The following TMEM68 variants were observed in gnomAD, a reference collection of about 807,000 sequenced individuals.
TMEM68 encodes transmembrane protein 68, also known as DGAT1/2-independent enzyme synthesizing storage lipids.
Under a neutral mutation model 36.9 loss-of-function variants are expected in TMEM68, and 25 were observed. That is an observed-to-expected ratio of 0.68 (90% confidence interval 0.49 to 0.95). TMEM68 has a LOEUF of 0.95. TMEM68 is among the 40% of genes least tolerant of loss of function. The pLI is 0.00. For missense variants in TMEM68, 333 were observed against 392.0 expected (o/e 0.85, Z 1.27); for synonymous variants, 131 against 124.4 (o/e 1.05, Z -0.35).
chr8:55,754,310 A>T (rs902279666), intron 4 of TMEM68, among the ~76,000 whole-genome samples: 2 of 151,066 alleles, frequency 1.3e-5, no homozygotes, highest in Non-Finnish European at 2.9e-5. Flanking sequence ...CTGCAATCCC[A>T]ACTACTTGGG....
At chr8:55,764,363 C>A (rs563881679) in intron 1 of TMEM68, among the ~76,000 whole-genome samples, 4 of 152,244 alleles carry the variant, frequency 2.6e-5, no homozygotes, top group Admixed American at 1.3e-4. Flanking sequence ...ATTATATTAG[C>A]CCTATGATAA....
At chr8:55,742,182 G>A (rs1810122967) in intron 7 of TMEM68, among the ~76,000 whole-genome samples, 1 of 152,136 alleles carries the variant, frequency 6.6e-6, no homozygotes, top group African/African-American at 2.4e-5. Context: ...ACTCATATGA[G>A]GTATCTAAAG....
intron 4 of TMEM68, among the ~76,000 whole-genome samples, chr8:55,751,834 A>G (rs1202336087): frequency 6.6e-6 from 1 of 152,220 alleles, no homozygotes; most frequent in Non-Finnish European, 1.5e-5. Flanking sequence ...ATCAAATCCC[A>G]TACTGGAACT....
chr8:55,740,655 G>C (rs941070891), intron 7 of TMEM68, among the ~76,000 whole-genome samples: 4 of 152,116 alleles, frequency 2.6e-5, no homozygotes, highest in Admixed American at 6.5e-5. Flanking sequence ...GAAAAATTTC[G>C]AGTAGGCAAA....
chr8:55,762,471 G>C (rs1810824733), intron 3 of TMEM68, 164 bp downstream of exon 3: 1 of 1,339,640 alleles, frequency 7.5e-7, no homozygotes, highest in Non-Finnish European at 9.9e-7. Flanking sequence ...TTTTAAGAAA[G>C]ACACATACAT....
chr8:55,773,378 T>G lies in TMEM68; in HGVS notation c.-224A>C. 2 of 429,002 alleles carry G rather than the reference T, an allele frequency of 4.7e-6. No individual in the cohort carries two copies. The allele number at this position is 429,002 out of a possible 1,614,324, so 26.6% of individuals were successfully genotyped here. A position where few individuals can be genotyped will look rare whatever the true frequency, so the allele number is the denominator to read the frequency against. ...CGTGTGAAAGAAGCCAAGCGGCGGC[T>G]GCAGCCCGGGCCGCGATGGGGGTGA... On this transcript the variant is annotated 5_prime_UTR_variant, in exon 1 of 8. Coordinates refer to ENST00000434581, the MANE Select transcript of TMEM68 (RefSeq NM_001286657.2).
intron 4 of TMEM68, among the ~76,000 whole-genome samples, chr8:55,754,901 A>C (rs1020414397): frequency 8.6e-6 from 1 of 116,594 alleles, no homozygotes; most frequent in Non-Finnish European, 1.6e-5. Flanking sequence ...TATAAAATAC[A>C]TATATTATAT....
intron 5 of TMEM68, among the ~76,000 whole-genome samples, chr8:55,748,574 GAA>G (rs1254898132): frequency 6.6e-6 from 1 of 151,052 alleles, no homozygotes; most frequent in African/African-American, 2.4e-5. Context: ...GGGGAGGGAG[GAA>G]GGGGGGGAGA....
Position 55,738,835 on chromosome 8 carries a change from C to T in TMEM68, c.*1297G>A, listed in dbSNP as rs1351061593. Reference sequence around the variant, plus strand: ...ACAATACAAAAAGCTATACAAAAACCCTACTAATTCAACATTTAAAAAAGG... The same window carrying T: ...ACAATACAAAAAGCTATACAAAAACTCTACTAATTCAACATTTAAAAAAGG... On this transcript the variant is annotated 3_prime_UTR_variant, in exon 8 of 8. Coordinates refer to ENST00000434581, the MANE Select transcript of TMEM68 (RefSeq NM_001286657.2). The T allele has an allele frequency of 6.6e-6, 1 of 152,344 alleles. No individual in the cohort carries two copies. The highest frequency in any genetic ancestry group is 1.5e-5 in the Non-Finnish European group (1 of 67,992). The allele number at this position is 152,344 out of a possible 1,614,324, so 9.4% of individuals were successfully genotyped here.
At chr8:55,764,423 G>T (rs1417948920) in intron 1 of TMEM68, among the ~76,000 whole-genome samples, 2 of 152,094 alleles carry the variant, frequency 1.3e-5, no homozygotes, top group African/African-American at 4.8e-5. Context: ...TGTATTCTTA[G>T]AACTATTTTA....
chr8:55,759,908 C>G (rs530616592), intron 3 of TMEM68, among the ~76,000 whole-genome samples: 2 of 152,326 alleles, frequency 1.3e-5, no homozygotes, highest in South Asian at 2.1e-4. Flanking sequence ...CTCATGCCAT[C>G]CCTGCCCCTT....
At chr8:55,742,262 G>C (rs1438332515) in intron 7 of TMEM68, among the ~76,000 whole-genome samples, 1 of 152,118 alleles carries the variant, frequency 6.6e-6, no homozygotes, top group Non-Finnish European at 1.5e-5. Flanking sequence ...GGAAGTTGGT[G>C]TTCAACAGGT....
chr8:55,769,503 C>T (rs1811086900), intron 1 of TMEM68, among the ~76,000 whole-genome samples: 1 of 151,908 alleles, frequency 6.6e-6, no homozygotes, highest in African/African-American at 2.4e-5. Context: ...GAAGTTTGTG[C>T]CAGATACTAT....
intron 4 of TMEM68, among the ~76,000 whole-genome samples, chr8:55,754,859 A>G (rs1298959817): frequency 6.7e-5 from 9 of 135,324 alleles, no homozygotes; most frequent in Admixed American, 1.7e-4. Flanking sequence ...TTTATATTAT[A>G]TATAAAATAT....
In TMEM68 at chr8:55,771,069, G is replaced by A. The variant is rs539373416; in HGVS notation, c.-115+2200C>T. ...ACTCAGGAGGCTGAGGCAGAAAATCGCTTGAACCCAGGAGGCGGAAGTTGC... is the reference window on the plus strand; with the variant it reads ...ACTCAGGAGGCTGAGGCAGAAAATCACTTGAACCCAGGAGGCGGAAGTTGC... On this transcript the variant is annotated intron_variant, in intron 1 of 7. Coordinates refer to ENST00000434581, the MANE Select transcript of TMEM68 (RefSeq NM_001286657.2). 7.9e-5 allele frequency among the ~76,000 whole-genome samples: 12 copies of A among 151,326 alleles called. 1 individual carries two copies. The highest frequency in any genetic ancestry group is 1.9e-4 in the African/African-American group (8 of 41,264).
At chr8:55,762,547 T>A in intron 3 of TMEM68, 88 bp downstream of exon 3, 1 of 1,581,788 alleles carries the variant, frequency 6.3e-7, no homozygotes, top group Non-Finnish European at 8.6e-7. Context: ...TTTTTCAGTA[T>A]CTTCTCAATC....
At position 55,766,927 on chromosome 8, in the gene TMEM68, G is replaced by A. The variant is rs575818641; in HGVS notation, c.-114-2947C>T. ...CAACAGGATTTGCTAATAAATTGAC[G>A]TAGAATCTGAGATAATTATATGGTG... On this transcript the variant is annotated intron_variant, in intron 1 of 7. Transcript: ENST00000434581. 5.9e-5 allele frequency among the ~76,000 whole-genome samples: 9 copies of A among 152,262 alleles called. No individual in the cohort carries two copies. In the South Asian group the frequency reaches 1.9e-3, roughly 32 times the overall value.
chr8:55,758,872 A>G (rs760592833), intron 3 of TMEM68, among the ~76,000 whole-genome samples: 3 of 152,190 alleles, frequency 2.0e-5, no homozygotes, highest in Non-Finnish European at 2.9e-5. Context: ...GCACAATCAG[A>G]TTAGGAATTT....
At chr8:55,741,068 T>C (rs902521985) in intron 7 of TMEM68, among the ~76,000 whole-genome samples, 7 of 152,044 alleles carry the variant, frequency 4.6e-5, no homozygotes, top group African/African-American at 1.7e-4. Context: ...ACCCCGTCTC[T>C]ACTAAAAATA....
Sources: gnomAD v4.1 joint callset for allele counts (sites outside exome capture counted in the v4.1 genomes callset) on GRCh38, gnomAD v4.1.1 for gene constraint, MANE v1.5 for transcripts, NCBI Gene and HGNC (gene_info 2026-07-23, HGNC 2026-07-21) for gene names.